PPP1R16B: variants seen among roughly 807,000 people sequenced by gnomAD.
The protein encoded by PPP1R16B is protein phosphatase 1 regulatory subunit 16B, also known as protein phosphatase 1 regulatory inhibitor subunit 16B.
In PPP1R16B, 14 loss-of-function variants were observed where a neutral mutation model predicts 61.7. The observed-to-expected ratio is 0.23, with a 90% confidence interval of 0.15 to 0.35. The LOEUF (loss-of-function observed/expected upper bound fraction) is 0.35, where lower values mean the gene tolerates loss of function less well. Among genes scored for constraint, PPP1R16B ranks in the 10% least tolerant of loss-of-function variants. The pLI, the probability that PPP1R16B is intolerant of heterozygous loss-of-function variation, is 1.00. For synonymous variants in PPP1R16B, 266 were observed against 305.3 expected (o/e 0.87, Z 1.34); for missense variants, 547 against 752.5 (o/e 0.73, Z 3.19).
rs1184246121 is a variant in PPP1R16B, at chr20:38,893,995, G to A, written c.322-1570G>A. Among the ~76,000 whole-genome samples, 3 of 152,218 alleles carry A rather than the reference G, an allele frequency of 2.0e-5. No homozygotes were observed. In the South Asian group the frequency reaches 6.2e-4, roughly 32 times the overall value. Reference sequence around the variant, plus strand: ...TTGCCTTTGGCGCCCTCTGCCGGCCGCGCCGTGCTGCTGCGTGGTTCTCCC... The same window carrying A: ...TTGCCTTTGGCGCCCTCTGCCGGCCACGCCGTGCTGCTGCGTGGTTCTCCC... On this transcript the variant is annotated intron_variant, in intron 3 of 10. Coordinates refer to ENST00000299824, the MANE Select transcript of PPP1R16B (RefSeq NM_015568.4).
intron 1 of PPP1R16B, among the ~76,000 whole-genome samples, chr20:38,819,174 G>T (rs1277685747): frequency 6.6e-6 from 1 of 152,152 alleles, no homozygotes; most frequent in African/African-American, 2.4e-5. Flanking sequence ...ATTGCTTACT[G>T]GACATTGGGC....
intron 4 of PPP1R16B, among the ~76,000 whole-genome samples, chr20:38,899,696 G>T (rs1278892426): frequency 6.6e-6 from 1 of 152,184 alleles, no homozygotes; most frequent in Non-Finnish European, 1.5e-5. Flanking sequence ...AATAGAACAT[G>T]GAGAAGTAAA....
intron 2 of PPP1R16B, among the ~76,000 whole-genome samples, chr20:38,875,794 G>T (rs995531988): frequency 1.3e-5 from 2 of 151,838 alleles, no homozygotes; most frequent in Non-Finnish European, 2.9e-5. Flanking sequence ...GCAGGCTCTC[G>T]GGGGAGGTTC....
At chr20:38,914,501 G>A (rs1423651693) in intron 10 of PPP1R16B, among the ~76,000 whole-genome samples, 3 of 152,132 alleles carry the variant, frequency 2.0e-5, no homozygotes, top group Non-Finnish European at 4.4e-5. Flanking sequence ...ATAGAACTCA[G>A]CCCATAATTT....
intron 1 of PPP1R16B, among the ~76,000 whole-genome samples, chr20:38,816,417 T>G (rs1291352787): frequency 1.3e-5 from 2 of 152,176 alleles, no homozygotes; most frequent in African/African-American, 4.8e-5. Context: ...TACAAGCAGG[T>G]GTGCTCTGAA....
At chr20:38,831,875 C>CATCACTG (rs1358445367) in intron 1 of PPP1R16B, among the ~76,000 whole-genome samples, 2 of 152,246 alleles carry the variant, frequency 1.3e-5, no homozygotes, top group Non-Finnish European at 2.9e-5. Flanking sequence ...ACAAGTGGCT[C>CATCACTG]ATCACTGCCA....
chr20:38,892,913 G>A (rs1391488919), intron 3 of PPP1R16B, among the ~76,000 whole-genome samples: 2 of 152,184 alleles, frequency 1.3e-5, no homozygotes, highest in Non-Finnish European at 2.9e-5. Flanking sequence ...GTTCCATGTG[G>A]CACAGTTAGA....
rs137919845 is a variant in PPP1R16B at position 38,874,569 on chromosome 20, A to G, written c.251-15026A>G. Among the ~76,000 whole-genome samples, 409 of 152,300 alleles carry G rather than the reference A, an allele frequency of 2.7e-3. 2 individuals are homozygous for G. Among genetic ancestry groups the G allele is most frequent in the African/African-American group, 9.1e-3 (380 of 41,566 alleles). On this transcript the variant is annotated intron_variant, in intron 2 of 10. Transcript: ENST00000299824. ...GGTGCAATGCTTAGGTAGACTGCAT[A>G]TTCCCCAACAGTGTGCTTTGATGGC...
chr20:38,865,012 T>G lies in PPP1R16B; in HGVS notation c.251-24583T>G, dbSNP rs144491218. Among the ~76,000 whole-genome samples the G allele has an allele frequency of 3.9e-4, 59 of 152,228 alleles. No individual in the cohort carries two copies. The East Asian group carries it at 0.011, about 27-fold the overall frequency. ...TCATGCCGGTGGCCTCGGCCCTGGT[T>G]CTCTGGGGCTATCTGTCTCTTGGGC... On this transcript the variant is annotated intron_variant, in intron 2 of 10. Transcript: ENST00000299824.
chr20:38,859,150 G>A (rs1388358150), intron 2 of PPP1R16B, among the ~76,000 whole-genome samples: 1 of 152,152 alleles, frequency 6.6e-6, no homozygotes, highest in Non-Finnish European at 1.5e-5. Context: ...GTCTCCACTG[G>A]GGCTGTCTTT....
At chr20:38,916,201 A>ATGAGGCT (rs1568687971) in intron 10 of PPP1R16B, among the ~76,000 whole-genome samples, 1 of 151,690 alleles carries the variant, frequency 6.6e-6, no homozygotes, top group South Asian at 2.1e-4. Context: ...CCCTGACTCT[A>ATGAGGCT]AAAGGAGAAA....
chr20:38,882,419 C>A (rs1044644892), intron 2 of PPP1R16B, among the ~76,000 whole-genome samples: 2 of 152,130 alleles, frequency 1.3e-5, no homozygotes, highest in Non-Finnish European at 2.9e-5. Context: ...CCTGCTCTGT[C>A]ATCCAGGCTG....
intron 2 of PPP1R16B, among the ~76,000 whole-genome samples, chr20:38,860,983 G>A (rs1261833146): frequency 2.0e-5 from 3 of 152,138 alleles, no homozygotes; most frequent in African/African-American, 7.2e-5. Context: ...GAGTATCCGT[G>A]TTCTCCTCCA....
At chr20:38,890,773 G>A (rs889371598) in intron 3 of PPP1R16B, among the ~76,000 whole-genome samples, 2 of 152,208 alleles carry the variant, frequency 1.3e-5, no homozygotes, top group Non-Finnish European at 2.9e-5. Context: ...CCCTGTGCCC[G>A]AGTTTCTAAG....
Position 38,918,327 on chromosome 20 carries a change from G to C in PPP1R16B, c.1365G>C (p.Met455Ile). 6.2e-7 allele frequency: 1 copy of C among 1,614,206 alleles called. No homozygotes were observed. The highest frequency in any genetic ancestry group is 8.5e-7 in the Non-Finnish European group (1 of 1,180,038). Residue 455 changes from methionine to isoleucine, a missense_variant, in exon 11 of 11, where the codon ATG becomes ATC. Met to Ile is a conservative substitution (Grantham distance 10). Transcript: ENST00000299824. This position sits in a 1 kb window ranked among gnomAD's most constrained non-coding sequence, Gnocchi z 5.3. ...TGCATGAGGTGCCTGACTACAGCATGGCCTATGGCAACCCTGGCGTGGCCG... is the reference window on the plus strand; with the variant it reads ...TGCATGAGGTGCCTGACTACAGCATCGCCTATGGCAACCCTGGCGTGGCCG... ...WKVHEVPDYS[M>I]AYGNPGVADA...
intron 1 of PPP1R16B, among the ~76,000 whole-genome samples, chr20:38,827,228 A>G (rs1460026268): frequency 2.0e-5 from 3 of 152,276 alleles, no homozygotes; most frequent in South Asian, 4.1e-4. Context: ...GCCTGGAACA[A>G]AGCCGATCCT....
At chr20:38,901,300 C>G (rs775363693) in intron 5 of PPP1R16B, among the ~76,000 whole-genome samples, 7 of 152,206 alleles carry the variant, frequency 4.6e-5, no homozygotes, top group Non-Finnish European at 8.8e-5. Flanking sequence ...GCCTCAGTAA[C>G]CGTGATTGAA....
chr20:38,875,223 C>G (rs2085157689), intron 2 of PPP1R16B, among the ~76,000 whole-genome samples: 1 of 152,228 alleles, frequency 6.6e-6, no homozygotes, highest in Non-Finnish European at 1.5e-5. Context: ...CTGGTCCTCT[C>G]TGAGCCAGGA....
At chr20:38,889,557 T>C (rs2085275860) in intron 2 of PPP1R16B, 38 bp from the exon 3 acceptor site, 1 of 1,520,186 alleles carries the variant, frequency 6.6e-7, no homozygotes, top group Non-Finnish European at 9.1e-7. Context: ...ACACCCAGTG[T>C]GCAACGGGAA....
Sources: allele counts gnomAD v4.1 joint callset (sites outside exome capture counted in the v4.1 genomes callset), GRCh38; gene constraint gnomAD v4.1.1; non-coding constraint Gnocchi (gnomAD v3.1); transcripts MANE v1.5; gene names NCBI Gene and HGNC (gene_info 2026-07-23, HGNC 2026-07-21).